Variants in CYP39A1 observed in about 807,000 individuals in gnomAD.
CYP39A1 encodes 24-hydroxycholesterol 7-alpha-hydroxylase.
CYP39A1 carries 49 observed loss-of-function variants against 58.1 expected under a neutral mutation model. That is an observed-to-expected ratio of 0.84 (90% CI 0.67 to 1.07). The LOEUF (loss-of-function observed/expected upper bound fraction) is 1.07, where lower values mean the gene tolerates loss of function less well. Ranked by LOEUF, CYP39A1 falls within the 50% of genes least tolerant of loss-of-function variation. The probability of loss-of-function intolerance (pLI) is 0.00; values close to 1 mark genes in which losing one functional copy is unlikely to be tolerated. For missense variants in CYP39A1, 531 were observed against 539.4 expected (o/e 0.98, Z 0.16); for synonymous variants, 209 against 187.6 (o/e 1.11, Z -0.93).
chr6:46,613,109 A>T (rs1206571864), intron 7 of CYP39A1, among the ~76,000 whole-genome samples: 3 of 152,250 alleles, frequency 2.0e-5, no homozygotes, highest in African/African-American at 7.2e-5. Context: ...TAAAGCAGAC[A>T]ATATGGAGTT....
chr6:46,610,161 T>C (rs1234465495), intron 7 of CYP39A1, among the ~76,000 whole-genome samples: 6 of 152,246 alleles, frequency 3.9e-5, no homozygotes, highest in Admixed American at 2.6e-4. Flanking sequence ...CCCACAGTTT[T>C]AGTTTTGAAA....
chr6:46,636,707 T>C (rs897502629), intron 4 of CYP39A1, among the ~76,000 whole-genome samples: 2 of 152,204 alleles, frequency 1.3e-5, no homozygotes, highest in African/African-American at 4.8e-5. Context: ...AATAAAACTT[T>C]GGAGTCCTAC....
chr6:46,625,498 C>G lies in CYP39A1; in HGVS notation c.851G>C (p.Trp284Ser). The G allele has an allele frequency of 6.2e-7, 1 of 1,605,820 alleles. No homozygotes were observed. The change falls in exon 7 of 12, where the codon TGG (tryptophan) becomes TCG (serine). Residue 284 changes from tryptophan (W) to serine (S), a missense_variant. By Grantham distance (177) the Trp-to-Ser change is radical. Coordinates refer to ENST00000275016, the MANE Select transcript of CYP39A1 (RefSeq NM_016593.5). ...ATGAGAAAGGACGTATGCAAGTGTC[C>G]AAAATGCAACCTTAAAAAGAAAAAC... is the stretch of plus-strand genomic sequence containing the variant. Reference protein sequence around the residue: ...SLSNAVPVAFWTLAYVLSHPD... With the variant: ...SLSNAVPVAFSTLAYVLSHPD...
intron 10 of CYP39A1, among the ~76,000 whole-genome samples, chr6:46,557,933 C>CAAAAAAAAAAAAAAAA (rs1186594398): frequency 1.9e-4 from 7 of 37,618 alleles, no homozygotes; most frequent in African/African-American, 5.9e-4. Context: ...GACTCCATCT[C>CAAAAAAAAAAAAAAAA]AAAAAAAAAA....
At chr6:46,632,378 G>A (rs1020103379) in intron 5 of CYP39A1, among the ~76,000 whole-genome samples, 1 of 151,918 alleles carries the variant, frequency 6.6e-6, no homozygotes, top group East Asian at 1.9e-4. Context: ...TGTGGTTTTT[G>A]TAGAGTTTTC....
At chr6:46,583,664 A>T in intron 10 of CYP39A1, 6 of 871,788 alleles carry the variant, frequency 6.9e-6, no homozygotes, top group Non-Finnish European at 8.3e-6. Flanking sequence ...ATGTGCTACA[A>T]GGAAGTGCCT....
At chr6:46,565,011 C>G (rs559022239) in intron 10 of CYP39A1, among the ~76,000 whole-genome samples, 3 of 152,162 alleles carry the variant, frequency 2.0e-5, no homozygotes, top group Non-Finnish European at 4.4e-5. Flanking sequence ...AATAATCTAG[C>G]ACCTGTGATT....
chr6:46,637,222 C>T (rs1407804787), intron 4 of CYP39A1, among the ~76,000 whole-genome samples: 1 of 152,194 alleles, frequency 6.6e-6, no homozygotes. Context: ...CTCACCAGAA[C>T]GTGACCATGC....
Position 46,637,959 on chromosome 6 carries a change from T to C in CYP39A1, c.508A>G (p.Thr170Ala), listed in dbSNP as rs748486451. The change falls in exon 4 of 12, where the codon ACA becomes GCA. Residue 170 changes from threonine (T) to alanine (A), a missense_variant. Thr to Ala is a moderately conservative substitution (Grantham distance 58, BLOSUM62 0). Transcript: ENST00000275016. ...CTTTTATTAAAGAGCATATTCACTG[T>C]GACTGGATAAAGGAGATGTCTACAA... The part of the protein sequence containing the change: ...NLVRHLLYPV[T>A]VNMLFNKSLF... The C allele has an allele frequency of 6.2e-7, 1 of 1,610,494 alleles. No individual in the cohort carries two copies. The highest frequency in any genetic ancestry group is 8.5e-7 in the Non-Finnish European group (1 of 1,179,238).
At chr6:46,611,454 C>A (rs1226117192) in intron 7 of CYP39A1, among the ~76,000 whole-genome samples, 4 of 152,220 alleles carry the variant, frequency 2.6e-5, no homozygotes, top group Non-Finnish European at 1.5e-5. Context: ...CCTCCCAACT[C>A]TTTCTTCCAT....
At chr6:46,580,387 A>G (rs140874853) in intron 10 of CYP39A1, among the ~76,000 whole-genome samples, 4 of 152,334 alleles carry the variant, frequency 2.6e-5, no homozygotes, top group East Asian at 1.9e-4. Flanking sequence ...TGTAAGACCT[A>G]AAACTTTAAT....
chr6:46,591,311 C>A lies in CYP39A1; in HGVS notation c.1066-3182G>T, dbSNP rs529430197. 3.0e-4 allele frequency among the ~76,000 whole-genome samples: 45 copies of A among 151,936 alleles called. 3 individuals carry two copies. In the South Asian group the frequency reaches 9.1e-3, roughly 31 times the overall value. ...TCATTCTTATTGATTTGTGTCAGTTCTTTAAATATTAAAATTATTTATAGT... is the reference window on the plus strand; with the variant it reads ...TCATTCTTATTGATTTGTGTCAGTTATTTAAATATTAAAATTATTTATAGT... On this transcript the variant is annotated intron_variant, in intron 8 of 11. Coordinates refer to ENST00000275016, the MANE Select transcript of CYP39A1 (RefSeq NM_016593.5).
intron 7 of CYP39A1, among the ~76,000 whole-genome samples, chr6:46,604,767 A>G (rs1175087588): frequency 6.6e-6 from 1 of 152,176 alleles, no homozygotes; most frequent in Non-Finnish European, 1.5e-5. Context: ...GTAACTTTTG[A>G]TATGTATTTT....
At chr6:46,649,317 T>C (rs185503783) in intron 1 of CYP39A1, among the ~76,000 whole-genome samples, 43 of 152,344 alleles carry the variant, frequency 2.8e-4, no homozygotes, top group Middle Eastern at 3.4e-3. Context: ...GAGTCTGCTA[T>C]CAAGATGAAA....
chr6:46,588,278 T>C (rs1016458335), intron 8 of CYP39A1, 149 bp from the exon 9 acceptor site: 5 of 256,854 alleles, frequency 1.9e-5, no homozygotes, highest in Admixed American at 1.1e-4. Flanking sequence ...AATATCTATA[T>C]AATTATATAA....
At chr6:46,609,374 G>T (rs1184098777) in intron 7 of CYP39A1, among the ~76,000 whole-genome samples, 1 of 147,384 alleles carries the variant, frequency 6.8e-6, no homozygotes, top group Non-Finnish European at 1.5e-5. Context: ...CTGAGTCCGC[G>T]CCACTGCACT....
intron 5 of CYP39A1, among the ~76,000 whole-genome samples, chr6:46,633,660 C>G: frequency 6.6e-6 from 1 of 152,096 alleles, no homozygotes; most frequent in East Asian, 1.9e-4. Flanking sequence ...AGTTTGATAC[C>G]AGCCTGACCA....
At chr6:46,641,698 G>C (rs1053117410) in intron 2 of CYP39A1, among the ~76,000 whole-genome samples, 3 of 152,150 alleles carry the variant, frequency 2.0e-5, no homozygotes, top group African/African-American at 7.2e-5. Context: ...GGCAAGTCAA[G>C]CTCCCATTGA....
intron 7 of CYP39A1, among the ~76,000 whole-genome samples, chr6:46,617,058 T>C (rs907446439): frequency 1.3e-5 from 2 of 152,206 alleles, no homozygotes; most frequent in Non-Finnish European, 2.9e-5. Context: ...CAAGTAAAGA[T>C]GATTGTCTAC....
Sources: gnomAD v4.1 joint callset for allele counts (sites outside exome capture counted in the v4.1 genomes callset) on GRCh38, gnomAD v4.1.1 for gene constraint, MANE v1.5 for transcripts, NCBI Gene and HGNC (gene_info 2026-07-23, HGNC 2026-07-21) for gene names.